Variants in LOC400499 observed in about 807,000 individuals in gnomAD.
the LOC400499 span, chr16:11,384,859 G>T: frequency 1.6e-6 from 2 of 1,232,044 alleles, no homozygotes; most frequent in East Asian, 3.2e-5. Flanking sequence ...GCTGTAGGTG[G>T]GGCCAACCCT....
chr16:11,441,463 T>C, the LOC400499 span, among the ~76,000 whole-genome samples: 1 of 152,134 alleles, frequency 6.6e-6, no homozygotes, highest in African/African-American at 2.4e-5. Flanking sequence ...AACCCCAAGG[T>C]CAAAGCTGTG....
the LOC400499 span, among the ~76,000 whole-genome samples, chr16:11,404,002 C>T: frequency 6.6e-6 from 1 of 152,234 alleles, no homozygotes; most frequent in Admixed American, 6.5e-5. Context: ...GCCATGCTAG[C>T]CCCGCAGCTG....
At chr16:11,471,013 C>T in the LOC400499 span, among the ~76,000 whole-genome samples, 1 of 152,194 alleles carries the variant, frequency 6.6e-6, no homozygotes, top group Admixed American at 6.5e-5. Flanking sequence ...GGAAGGAGGC[C>T]AGCAGGGGCA....
At chr16:11,376,757 C>T in the LOC400499 span, among the ~76,000 whole-genome samples, 12,126 of 152,116 alleles carry the variant, frequency 0.08, 686 homozygotes, top group Middle Eastern at 0.18. Context: ...ATAGCAATTA[C>T]GCTAAACCTG....
At chr16:11,459,831 TC>T in the LOC400499 span, 4 of 1,250,488 alleles carry the variant, frequency 3.2e-6, no homozygotes, top group Non-Finnish European at 4.0e-6. Flanking sequence ...ATGTGGGGGT[TC>T]CCCAGCTCCT....
the LOC400499 span, among the ~76,000 whole-genome samples, chr16:11,379,469 C>A: frequency 2.6e-5 from 4 of 152,188 alleles, no homozygotes; most frequent in Admixed American, 2.6e-4. Context: ...TATAGCTACT[C>A]CTTCTCTATC....
the LOC400499 span, among the ~76,000 whole-genome samples, chr16:11,395,482 G>T: frequency 1.4e-4 from 21 of 152,294 alleles, no homozygotes; most frequent in East Asian, 3.1e-3. Flanking sequence ...GGCTGGAAAC[G>T]GGGAAGTGAC....
the LOC400499 span, chr16:11,449,062 T>C: frequency 3.4e-6 from 5 of 1,484,752 alleles, no homozygotes; most frequent in African/African-American, 1.4e-5. Flanking sequence ...TCGAGTTCGC[T>C]CCAGCTGTGG....
chr16:11,480,917 C>G, the LOC400499 span, among the ~76,000 whole-genome samples: 39 of 152,214 alleles, frequency 2.6e-4, no homozygotes, highest in Non-Finnish European at 4.9e-4. Context: ...ACAGGAGCAG[C>G]ACTATTCAGT....
the LOC400499 span, among the ~76,000 whole-genome samples, chr16:11,435,264 C>G: frequency 6.6e-6 from 1 of 152,112 alleles, no homozygotes; most frequent in Non-Finnish European, 1.5e-5. Flanking sequence ...AGGTGCACCC[C>G]ACCACACCTG....
At chr16:11,394,569 C>A in the LOC400499 span, among the ~76,000 whole-genome samples, 1 of 152,240 alleles carries the variant, frequency 6.6e-6, no homozygotes, top group Non-Finnish European at 1.5e-5. Context: ...TAGGTTGAAG[C>A]CCTAACCTTC....
At chr16:11,389,709 A>AAC in the LOC400499 span, among the ~76,000 whole-genome samples, 1 of 150,446 alleles carries the variant, frequency 6.6e-6, no homozygotes, top group Non-Finnish European at 1.5e-5. Flanking sequence ...AAAAAAAAAA[A>AAC]GATTACAAAA....
At chr16:11,374,136 T>C in the LOC400499 span, among the ~76,000 whole-genome samples, 1 of 152,242 alleles carries the variant, frequency 6.6e-6, no homozygotes, top group African/African-American at 2.4e-5. Flanking sequence ...CTGAAATCTA[T>C]AATCTGTGTC....
the LOC400499 span, chr16:11,494,666 C>G: frequency 2.5e-6 from 1 of 399,370 alleles, no homozygotes; most frequent in African/African-American, 2.1e-5. Context: ...AGGCAGCTGG[C>G]CGCAGGGCCC....
the LOC400499 span, chr16:11,385,152 T>A: frequency 8.1e-7 from 1 of 1,230,266 alleles, no homozygotes; most frequent in African/African-American, 1.6e-5. Flanking sequence ...CGACCTGCCA[T>A]GGGCACAGGT....
the LOC400499 span, among the ~76,000 whole-genome samples, chr16:11,381,555 T>C: frequency 2.0e-4 from 31 of 152,322 alleles, no homozygotes; most frequent in African/African-American, 7.2e-4. Context: ...ATAAGATCTC[T>C]CTTGCAAATA....
At chr16:11,512,096 C>T in the LOC400499 span, among the ~76,000 whole-genome samples, 1 of 151,636 alleles carries the variant, frequency 6.6e-6, no homozygotes, top group Non-Finnish European at 1.5e-5. Context: ...CCAGACCACC[C>T]TGATGGTAAA....
the LOC400499 span, among the ~76,000 whole-genome samples, chr16:11,402,906 C>T: frequency 2.0e-5 from 3 of 152,226 alleles, no homozygotes; most frequent in African/African-American, 7.2e-5. Flanking sequence ...GCACAGGTGC[C>T]CTGTGCCCCC....
chr16:11,504,325 C>G, the LOC400499 span, among the ~76,000 whole-genome samples: 1 of 151,778 alleles, frequency 6.6e-6, no homozygotes, highest in Non-Finnish European at 1.5e-5. Context: ...GGAGGCCGAG[C>G]CGGGTGGATC....
Sources: allele counts gnomAD v4.1 joint callset (sites outside exome capture counted in the v4.1 genomes callset), GRCh38; gene constraint gnomAD v4.1.1; transcripts MANE v1.5.